The following SGCZ variants were observed in gnomAD, a reference collection of about 807,000 sequenced individuals.
SGCZ encodes the protein sarcoglycan zeta.
A neutral mutation model predicts 41.3 loss-of-function variants in SGCZ; 40 were observed. The observed-to-expected ratio is 0.97, with a 90% confidence interval of 0.75 to 1.26. The LOEUF is 1.26. Among genes scored for constraint, SGCZ ranks in the 50% most tolerant of loss-of-function variants. The pLI is 0.00. For synonymous variants in SGCZ, 206 were observed against 137.5 expected (o/e 1.50, Z -3.49); for missense variants, 552 against 369.8 (o/e 1.49, Z -4.04).
chr8:14,656,810 G>A (rs1807593497), intron 1 of SGCZ, among the ~76,000 whole-genome samples: 1 of 151,856 alleles, frequency 6.6e-6, no homozygotes, highest in Admixed American at 6.6e-5. Context: ...TGTATACTAA[G>A]CCTTTAAATG....
At chr8:14,757,314 A>T (rs1037383424) in intron 1 of SGCZ, among the ~76,000 whole-genome samples, 2 of 152,106 alleles carry the variant, frequency 1.3e-5, no homozygotes, top group Non-Finnish European at 2.9e-5. Flanking sequence ...CTCCCAAAGC[A>T]CTGGGACTGC....
chr8:14,683,100 G>A (rs1196203692), intron 1 of SGCZ, among the ~76,000 whole-genome samples: 2 of 152,014 alleles, frequency 1.3e-5, no homozygotes, highest in East Asian at 3.9e-4. Flanking sequence ...TGTATATTTG[G>A]GATTCTGACA....
At chr8:15,038,995 T>A (rs998886586) in intron 1 of SGCZ, among the ~76,000 whole-genome samples, 1 of 152,124 alleles carries the variant, frequency 6.6e-6, no homozygotes, top group Non-Finnish European at 1.5e-5. Flanking sequence ...TTGGTGAGAA[T>A]GTGGAGAAAA....
At chr8:14,730,834 G>A (rs1049215893) in intron 1 of SGCZ, among the ~76,000 whole-genome samples, 1 of 151,816 alleles carries the variant, frequency 6.6e-6, no homozygotes, top group African/African-American at 2.4e-5. Flanking sequence ...GAGAAAGAAT[G>A]CTGTAGCATC....
intron 3 of SGCZ, among the ~76,000 whole-genome samples, chr8:14,260,588 C>T (rs1486977246): frequency 1.3e-5 from 2 of 148,630 alleles, no homozygotes; most frequent in African/African-American, 4.9e-5. Context: ...CCAGCCATCC[C>T]ATTACTGGGT....
intron 1 of SGCZ, among the ~76,000 whole-genome samples, chr8:14,859,105 G>C (rs548559512): frequency 6.6e-6 from 1 of 152,234 alleles, no homozygotes; most frequent in East Asian, 1.9e-4. Context: ...AACAATGCCA[G>C]AAGTCCTTTT....
chr8:14,366,474 G>C (rs1413749404), intron 2 of SGCZ, among the ~76,000 whole-genome samples: 1 of 152,070 alleles, frequency 6.6e-6, no homozygotes, highest in Admixed American at 6.6e-5. Flanking sequence ...AAACACCTGT[G>C]GGTTACAATT....
chr8:14,435,814 T>A (rs1800073888), intron 2 of SGCZ, among the ~76,000 whole-genome samples: 2 of 152,308 alleles, frequency 1.3e-5, no homozygotes, highest in East Asian at 3.9e-4. Context: ...TACTCAATCA[T>A]CGTATTTATT....
chr8:14,578,117 G>A (rs1463666775), intron 1 of SGCZ, among the ~76,000 whole-genome samples: 3 of 152,168 alleles, frequency 2.0e-5, no homozygotes, highest in Non-Finnish European at 4.4e-5. Context: ...GTTGGGTGAA[G>A]GCAGAGGGGA....
chr8:15,048,751 A>G (rs1804407105), intron 1 of SGCZ, among the ~76,000 whole-genome samples: 1 of 152,150 alleles, frequency 6.6e-6, no homozygotes, highest in African/African-American at 2.4e-5. Context: ...ATGTCAAATA[A>G]TCCATATGCA....
rs118036067 is a variant in SGCZ at position 14,193,385 on chromosome 8, G to A, written c.425-28683C>T. On this transcript the variant is annotated intron_variant, in intron 4 of 7. Coordinates refer to ENST00000382080, the MANE Select transcript of SGCZ (RefSeq NM_139167.4). ...TGTTTTTCATGTAACAGTTGAATGA[G>A]TGAGAGAATATATAATAATGCTATC... 3.3e-4 allele frequency among the ~76,000 whole-genome samples: 50 copies of A among 151,454 alleles called. No individual in the cohort carries two copies. In the East Asian group the frequency reaches 8.5e-3, roughly 26 times the overall value.
chr8:15,050,986 A>C (rs1804491084), intron 1 of SGCZ, among the ~76,000 whole-genome samples: 1 of 152,214 alleles, frequency 6.6e-6, no homozygotes, highest in African/African-American at 2.4e-5. Context: ...TTGCAAAGTC[A>C]AGAAACATCA....
chr8:15,027,575 C>G (rs1005753017), intron 1 of SGCZ, among the ~76,000 whole-genome samples: 3 of 151,930 alleles, frequency 2.0e-5, no homozygotes, highest in African/African-American at 7.2e-5. Context: ...ATTATTATAC[C>G]TAAAGATGTG....
intron 1 of SGCZ, among the ~76,000 whole-genome samples, chr8:14,930,356 G>A (rs966003631): frequency 2.0e-5 from 3 of 152,026 alleles, no homozygotes; most frequent in Non-Finnish European, 4.4e-5. Context: ...GAGAGGATGT[G>A]GAGAAATGGG....
chr8:14,411,849 T>A (rs1799369459), intron 2 of SGCZ, among the ~76,000 whole-genome samples: 1 of 152,202 alleles, frequency 6.6e-6, no homozygotes, highest in Non-Finnish European at 1.5e-5. Flanking sequence ...AAAAAACACT[T>A]CCAAACATTT....
At chr8:14,235,278 C>A (rs114969966) in intron 4 of SGCZ, among the ~76,000 whole-genome samples, 207 of 152,234 alleles carry the variant, frequency 1.4e-3, no homozygotes, top group African/African-American at 4.7e-3. Flanking sequence ...ATATGCAAAC[C>A]AGCAAAAATA....
chr8:14,941,170 G>A (rs1033536638), intron 1 of SGCZ, among the ~76,000 whole-genome samples: 1 of 151,998 alleles, frequency 6.6e-6, no homozygotes, highest in Non-Finnish European at 1.5e-5. Flanking sequence ...AAGTACCACA[G>A]GTATTGCAGA....
At chr8:14,352,615 C>T (rs1042654141) in intron 2 of SGCZ, among the ~76,000 whole-genome samples, 23 of 152,114 alleles carry the variant, frequency 1.5e-4, no homozygotes, top group Admixed American at 2.6e-4. Context: ...ACCTACGTGT[C>T]CTCTGGCTTG....
chr8:15,002,360 T>C (rs1802457305), intron 1 of SGCZ, among the ~76,000 whole-genome samples: 1 of 152,182 alleles, frequency 6.6e-6, no homozygotes, highest in South Asian at 2.1e-4. Flanking sequence ...GGTTGGTGCC[T>C]TCTGAGAAGA....
Sources: allele counts gnomAD v4.1 joint callset (sites outside exome capture counted in the v4.1 genomes callset), GRCh38; gene constraint gnomAD v4.1.1; transcripts MANE v1.5; gene names NCBI Gene and HGNC (gene_info 2026-07-23, HGNC 2026-07-21).